NCR1: variants seen among roughly 807,000 people sequenced by gnomAD.
The protein encoded by NCR1 is NK cell-activating receptor.
Under a neutral mutation model 32.5 loss-of-function variants are expected in NCR1, and 30 were observed. The ratio of observed to expected loss-of-function variants is 0.92; its 90% confidence interval spans 0.69 to 1.25. NCR1 has a LOEUF of 1.25. Ranked by LOEUF, NCR1 falls within the 50% of genes most tolerant of loss-of-function variation. The pLI, the probability that NCR1 is intolerant of heterozygous loss-of-function variation, is 0.00. For missense variants in NCR1, 369 were observed against 380.7 expected (o/e 0.97, Z 0.26); for synonymous variants, 169 against 143.4 (o/e 1.18, Z -1.28).
chr19:54,933,397 G>A, the NCR1 span, among the ~76,000 whole-genome samples: 4 of 152,030 alleles, frequency 2.6e-5, no homozygotes, highest in African/African-American at 7.2e-5. Context: ...CACCCGCCTC[G>A]GCCTCCCAAA....
At chr19:54,900,269 G>T in the NCR1 span, among the ~76,000 whole-genome samples, 5,012 of 152,112 alleles carry the variant, frequency 0.033, 100 homozygotes, top group African/African-American at 0.055. Context: ...CAGGCGGGCT[G>T]AGTCCAGAAA....
upstream of NCR1, among the ~76,000 whole-genome samples, chr19:54,903,350 GCA>G (rs763829699): frequency 4.6e-5 from 5 of 108,270 alleles, no homozygotes; most frequent in East Asian, 5.1e-4. Context: ...ATACATATAT[GCA>G]TATATACATA....
chr19:54,912,819 G>A lies in NCR1; in HGVS notation c.863G>A (p.Ser288Asn). ...LSRKRTRERA[S>N]RASTWEGRRR... ...AGGAAGAGGACTAGAGAGCGAGCCA[G>A]CAGAGCTTCCACTTGGGAAGGCAGG... The change falls in exon 7 of 7, where the codon AGC (serine) becomes AAC (asparagine). Residue 288 changes from serine (S) to asparagine (N), a missense_variant. By Grantham distance (46) the Ser-to-Asn change is conservative. Transcript: ENST00000291890. 6.2e-7 allele frequency: 1 copy of A among 1,613,732 alleles called. No homozygotes were observed. Among genetic ancestry groups the A allele is most frequent in the Non-Finnish European group, 8.5e-7 (1 of 1,179,976 alleles).
upstream of NCR1, among the ~76,000 whole-genome samples, chr19:54,902,261 A>G (rs1407508217): frequency 6.6e-6 from 1 of 152,126 alleles, no homozygotes; most frequent in Non-Finnish European, 1.5e-5. Flanking sequence ...CAAATGTGGT[A>G]AAATGCTAAC....
chr19:54,932,346 T>C, the NCR1 span, among the ~76,000 whole-genome samples: 5 of 151,418 alleles, frequency 3.3e-5, no homozygotes, highest in Non-Finnish European at 5.9e-5. Flanking sequence ...GAGAATCGCT[T>C]GAACCTGGGA....
rs183227226 is a variant in NCR1 at position 54,909,095 on chromosome 19, G to C, written c.356-150G>C. 1,838 of 683,950 alleles carry C rather than the reference G, an allele frequency of 2.7e-3. 33 individuals are homozygous for C. The African/African-American group carries it at 0.029, about 11-fold the overall frequency. 42.4% of individuals were successfully genotyped at this position (683,950 alleles called of 1,614,324 possible). ...TGAGGCAGGAGAAACGCTTGAACCC[G>C]GGAGGCGGAGGTTGCAGTGAGCCAA... On this transcript the variant is annotated intron_variant, in intron 3 of 6. Coordinates refer to ENST00000291890, the MANE Select transcript of NCR1 (RefSeq NM_004829.7).
rs1401530227 is a variant in NCR1 at position 54,909,288 on chromosome 19, A to T, written c.399A>T (p.Glu133Asp). ...TPTLSVHPGP[E>D]VISGEKVTFY... ...CCCTCTCGGTTCATCCTGGACCCGA[A>T]GTGATCTCGGGAGAGAAGGTGACCT... The change falls in exon 4 of 7, where the codon GAA (glutamate) becomes GAT (aspartate). Residue 133 changes from glutamate (E) to aspartate (D), a missense_variant. Physicochemically the swap from Glu to Asp is conservative, Grantham distance 45. Coordinates refer to ENST00000291890, the MANE Select transcript of NCR1 (RefSeq NM_004829.7). 6.2e-7 allele frequency: 1 copy of T among 1,614,142 alleles called. No homozygotes were observed. The highest frequency in any genetic ancestry group is 1.3e-5 in the African/African-American group (1 of 75,038).
the NCR1 span, among the ~76,000 whole-genome samples, chr19:54,931,081 T>C: frequency 6.6e-6 from 1 of 152,114 alleles, no homozygotes; most frequent in Non-Finnish European, 1.5e-5. Context: ...CAGGTAGGAA[T>C]TGACCCATGA....
the NCR1 span, among the ~76,000 whole-genome samples, chr19:54,926,915 TTAAAAAAAAAAAA>T: frequency 7.6e-6 from 1 of 130,882 alleles, no homozygotes; most frequent in Non-Finnish European, 1.6e-5. Context: ...GACTCTGTCT[TTAAAAAAAAAAAA>T]AAAAAAAAAA....
downstream of NCR1, among the ~76,000 whole-genome samples, chr19:54,913,777 C>CA (rs2068075008): frequency 6.7e-6 from 1 of 148,988 alleles, no homozygotes; most frequent in Non-Finnish European, 1.5e-5. Flanking sequence ...ACTAAAAATA[C>CA]AAAAACTCGG....
At chr19:54,908,265 A>C (rs1481402093) in intron 3 of NCR1, among the ~76,000 whole-genome samples, 1 of 152,158 alleles carries the variant, frequency 6.6e-6, no homozygotes, top group Non-Finnish European at 1.5e-5. Context: ...TTTAACCCTG[A>C]GTGGACACAG....
chr19:54,924,516 C>T, the NCR1 span, among the ~76,000 whole-genome samples: 1 of 152,048 alleles, frequency 6.6e-6, no homozygotes, highest in Non-Finnish European at 1.5e-5. Flanking sequence ...CCCAGCTACT[C>T]GGGAGGCGGA....
At chr19:54,922,785 AAAAAC>A in the NCR1 span, among the ~76,000 whole-genome samples, 3,419 of 85,414 alleles carry the variant, frequency 0.04, 182 homozygotes, top group Non-Finnish European at 0.05. Context: ...TCTCAAAAAA[AAAAAC>A]AAAAAAAAAA....
At chr19:54,922,971 G>GAC in the NCR1 span, among the ~76,000 whole-genome samples, 4 of 151,546 alleles carry the variant, frequency 2.6e-5, no homozygotes, top group Non-Finnish European at 5.9e-5. Context: ...CAGAGACAGA[G>GAC]AGAGAGAGAG....
At chr19:54,919,812 A>G (rs983481947), downstream of NCR1, among the ~76,000 whole-genome samples, 8 of 145,832 alleles carry the variant, frequency 5.5e-5, no homozygotes, top group Admixed American at 2.2e-4. Context: ...CCGCTTGGTG[A>G]CGGGTGTCTT....
the NCR1 span, among the ~76,000 whole-genome samples, chr19:54,922,802 A>C: frequency 0.01 from 1,520 of 145,204 alleles, 35 homozygotes; most frequent in African/African-American, 0.037. Flanking sequence ...AAAAAAAAAA[A>C]CGAAAGAACA....
chr19:54,913,046 G>A lies in NCR1; in HGVS notation c.*175G>A. 1 of 523,034 alleles carries A rather than the reference G, an allele frequency of 1.9e-6. No individual in the cohort carries two copies. Among genetic ancestry groups the A allele is most frequent in the Non-Finnish European group, 3.2e-6 (1 of 316,030 alleles). 32.4% of individuals were successfully genotyped at this position (523,034 alleles called of 1,614,324 possible). A position where few individuals can be genotyped will look rare whatever the true frequency, so the allele number is the denominator to read the frequency against. On this transcript the variant is annotated 3_prime_UTR_variant, in exon 7 of 7. Transcript: ENST00000291890. ...GATGCAGAGGGTGGGAGAACTACAT[G>A]CTAAATTTCTTTTTTTTTTTTTTTG...
At chr19:54,919,114 T>TA (rs1420545088), downstream of NCR1, among the ~76,000 whole-genome samples, 1 of 152,120 alleles carries the variant, frequency 6.6e-6, no homozygotes, top group Non-Finnish European at 1.5e-5. Context: ...CCATGGTACA[T>TA]AGACACCACG....
At chr19:54,911,257 G>C (rs2067959457) in intron 5 of NCR1, among the ~76,000 whole-genome samples, 2 of 151,698 alleles carry the variant, frequency 1.3e-5, no homozygotes, top group African/African-American at 4.8e-5. Flanking sequence ...GCTGAGGCAG[G>C]AGAATGGCGT....
Sources: allele counts gnomAD v4.1 joint callset (sites outside exome capture counted in the v4.1 genomes callset), GRCh38; gene constraint gnomAD v4.1.1; transcripts MANE v1.5; gene names NCBI Gene and HGNC (gene_info 2026-07-23, HGNC 2026-07-21).